SLC35F2: variants seen among roughly 807,000 people sequenced by gnomAD.
SLC35F2 encodes the protein solute carrier family 35 member F2, also known as queuine/queuosine transporter SLC35F2.
Under a neutral mutation model 38.1 loss-of-function variants are expected in SLC35F2, and 25 were observed. The observed-to-expected ratio is 0.66, with a 90% CI of 0.48 to 0.92. The LOEUF (loss-of-function observed/expected upper bound fraction) is 0.92. SLC35F2 is among the 40% of genes least tolerant of loss of function. The pLI is 0.00. For synonymous variants in SLC35F2, 173 were observed against 181.7 expected (o/e 0.95, Z 0.38); for missense variants, 409 against 452.9 (o/e 0.90, Z 0.88).
At chr11:107,827,343 G>A (rs1261931155) in intron 1 of SLC35F2, among the ~76,000 whole-genome samples, 1 of 152,152 alleles carries the variant, frequency 6.6e-6, no homozygotes, top group Non-Finnish European at 1.5e-5. Context: ...AGCTGGGCGT[G>A]GTGGCTCACA....
intron 7 of SLC35F2, among the ~76,000 whole-genome samples, chr11:107,798,608 A>AAAT (rs1859257210): frequency 6.6e-6 from 1 of 152,320 alleles, no homozygotes; most frequent in South Asian, 2.1e-4. Context: ...TTTATTCAGC[A>AAAT]AATATTCACT....
At chr11:107,801,903 G>A (rs1165667012) in intron 7 of SLC35F2, among the ~76,000 whole-genome samples, 3 of 152,112 alleles carry the variant, frequency 2.0e-5, no homozygotes, top group Non-Finnish European at 2.9e-5. Flanking sequence ...AAGTCACTGA[G>A]CTACACATCA....
rs1047453152 is a variant in SLC35F2 at position 107,852,828 on chromosome 11, T to C, written c.110+5830A>G. Among the ~76,000 whole-genome samples the C allele has an allele frequency of 2.0e-5, 3 of 149,502 alleles. No individual in the cohort carries two copies. In the East Asian group the frequency reaches 5.9e-4, roughly 29 times the overall value. ...AGGCGGAGGCTACAGTGAGCTGAGA[T>C]TGCACCACTGCACTCCAGCCTGGGC... On this transcript the variant is annotated intron_variant, in intron 1 of 7. Coordinates refer to ENST00000525815, the MANE Select transcript of SLC35F2 (RefSeq NM_017515.5).
At chr11:107,814,311 C>T (rs148960526) in intron 2 of SLC35F2, among the ~76,000 whole-genome samples, 374 of 151,892 alleles carry the variant, frequency 2.5e-3, no homozygotes, top group African/African-American at 8.4e-3. Flanking sequence ...AAAAATTAGC[C>T]AGGTGTGGTG....
intron 7 of SLC35F2, among the ~76,000 whole-genome samples, chr11:107,799,689 C>T (rs1295709280): frequency 6.6e-6 from 1 of 151,956 alleles, no homozygotes; most frequent in Non-Finnish European, 1.5e-5. Flanking sequence ...CTCCCGGGTT[C>T]AAGTAATTCT....
chr11:107,818,072 AAAAGAAAGAAAGAAAG>A lies in SLC35F2; in HGVS notation c.111-2123_111-2108del, dbSNP rs1163903791. 1.7e-3 allele frequency among the ~76,000 whole-genome samples: 119 copies of A among 68,482 alleles called. 1 individual carries two copies. Among genetic ancestry groups the A allele is most frequent in the East Asian group, 2.6e-3 (6 of 2,308 alleles). The allele number at this position is 68,482 out of a possible 152,430, so 44.9% of individuals were successfully genotyped here. A position where few individuals can be genotyped will look rare whatever the true frequency, so the allele number is the denominator to read the frequency against. On this transcript the variant is annotated intron_variant, in intron 1 of 7. Transcript: ENST00000525815. Reference sequence around the variant, plus strand: ...ACTCTGTCTCAAAAAAAAAAAAAAAAAAAGAAAGAAAGAAAGAAAGAAAGAAAGAAAGAAAGAAAGA... The same window carrying A: ...ACTCTGTCTCAAAAAAAAAAAAAAAAAAAGAAAGAAAGAAAGAAAGAAAGA...
At chr11:107,804,578 A>C (rs1859365257) in intron 6 of SLC35F2, 140 bp downstream of exon 6, 1 of 584,212 alleles carries the variant, frequency 1.7e-6, no homozygotes, top group African/African-American at 2.0e-5. Context: ...ACTCAATGTA[A>C]ACCACTATAG....
At chr11:107,805,306 A>G (rs1591187367) in intron 5 of SLC35F2, 53 bp downstream of exon 5, 1 of 1,521,388 alleles carries the variant, frequency 6.6e-7, no homozygotes, top group East Asian at 2.3e-5. Flanking sequence ...AGTAGTTATC[A>G]TCTATAATAT....
chr11:107,830,324 G>A (rs1030103494), intron 1 of SLC35F2, among the ~76,000 whole-genome samples: 3 of 151,912 alleles, frequency 2.0e-5, no homozygotes, highest in African/African-American at 4.8e-5. Flanking sequence ...AGTGGCTCAC[G>A]CCTGTAATCT....
intron 1 of SLC35F2, among the ~76,000 whole-genome samples, chr11:107,837,985 T>C (rs957768438): frequency 1.3e-5 from 2 of 151,298 alleles, no homozygotes; most frequent in African/African-American, 2.4e-5. Flanking sequence ...CTAACACTTA[T>C]TGAGTGTATA....
intron 1 of SLC35F2, among the ~76,000 whole-genome samples, chr11:107,831,014 A>G (rs867090922): frequency 2.2e-4 from 33 of 152,352 alleles, no homozygotes; most frequent in African/African-American, 7.7e-4. Flanking sequence ...ATGGCTACCC[A>G]GGTAGGTCAC....
chr11:107,798,482 T>C (rs1859254456), intron 7 of SLC35F2, among the ~76,000 whole-genome samples: 1 of 152,206 alleles, frequency 6.6e-6, no homozygotes. Context: ...GGAGTCACTT[T>C]TATTAGGATG....
At chr11:107,792,933 T>G (rs1187520266) in intron 7 of SLC35F2, 133 bp from the exon 8 acceptor site, 1 of 1,272,072 alleles carries the variant, frequency 7.9e-7, no homozygotes. Flanking sequence ...TTCTTTCTTT[T>G]TAAGACAGGG....
chr11:107,846,426 A>G (rs1403293240), intron 1 of SLC35F2, among the ~76,000 whole-genome samples: 1 of 152,148 alleles, frequency 6.6e-6, no homozygotes, highest in Non-Finnish European at 1.5e-5. Context: ...ATATGCCATG[A>G]AAATTTTTAA....
intron 1 of SLC35F2, among the ~76,000 whole-genome samples, chr11:107,847,371 G>C (rs1245731561): frequency 6.6e-6 from 1 of 152,110 alleles, no homozygotes; most frequent in East Asian, 1.9e-4. Context: ...TTTTCATAAA[G>C]GTACCAAAAC....
intron 7 of SLC35F2, 117 bp from the exon 8 acceptor site, chr11:107,792,917 CT>C (rs1859156261): frequency 1.5e-6 from 2 of 1,316,910 alleles, no homozygotes; most frequent in African/African-American, 3.1e-5. Context: ...TTCTTTCTTT[CT>C]TTCTTTCTTT....
chr11:107,807,271 CA>C (rs201964530), intron 3 of SLC35F2, among the ~76,000 whole-genome samples: 38 of 70,904 alleles, frequency 5.4e-4, no homozygotes, highest in South Asian at 1.8e-3. Flanking sequence ...CCTGTCTGTA[CA>C]AAAAAAAAAA....
At chr11:107,821,616 G>C in intron 1 of SLC35F2, 2 of 985,422 alleles carry the variant, frequency 2.0e-6, no homozygotes, top group Non-Finnish European at 2.4e-6. Context: ...TGTGAATTCT[G>C]AACAGAGGAA....
chr11:107,805,707 T>C (rs1859380513), intron 4 of SLC35F2, 192 bp from the exon 5 acceptor site: 1 of 977,024 alleles, frequency 1.0e-6, no homozygotes, highest in Middle Eastern at 5.3e-4. Flanking sequence ...TGAGACAGTC[T>C]TGCTCTGTTG....
Sources: allele counts gnomAD v4.1 joint callset (sites outside exome capture counted in the v4.1 genomes callset), GRCh38; gene constraint gnomAD v4.1.1; transcripts MANE v1.5; gene names NCBI Gene and HGNC (gene_info 2026-07-23, HGNC 2026-07-21).